CCDC171: variants seen among roughly 807,000 people sequenced by gnomAD.
CCDC171 encodes the protein coiled-coil domain containing 171.
Under a neutral mutation model 168.2 loss-of-function variants are expected in CCDC171, and 177 were observed. The observed-to-expected ratio is 1.05, with a 90% CI of 0.93 to 1.19. The LOEUF (loss-of-function observed/expected upper bound fraction) is 1.19, where lower values mean the gene tolerates loss of function less well. CCDC171 is among the 50% of genes most tolerant of loss of function. CCDC171 has a pLI of 0.00. For synonymous variants in CCDC171, 687 were observed against 540.8 expected, an observed-to-expected ratio of 1.27 and a Z score of -3.75; for missense variants, 1,991 against 1,539.0, an observed-to-expected ratio of 1.29 and a Z score of -4.91.
At chr9:15,874,181 G>A (rs1817544451) in intron 23 of CCDC171, among the ~76,000 whole-genome samples, 1 of 152,062 alleles carries the variant, frequency 6.6e-6, no homozygotes, top group Admixed American at 6.6e-5. Flanking sequence ...AGGTGATAAT[G>A]ATTAGGAGAT....
chr9:15,635,600 C>T (rs1320902943), intron 7 of CCDC171, among the ~76,000 whole-genome samples: 1 of 152,160 alleles, frequency 6.6e-6, no homozygotes, highest in Non-Finnish European at 1.5e-5. Context: ...TCTCCCACTG[C>T]ACTGACTCAA....
At chr9:15,754,032 T>C (rs1237379784) in intron 18 of CCDC171, among the ~76,000 whole-genome samples, 1 of 152,176 alleles carries the variant, frequency 6.6e-6, no homozygotes, top group Non-Finnish European at 1.5e-5. Flanking sequence ...TTTTAAGTTA[T>C]ATTTTTGTAG....
the CCDC171 span, among the ~76,000 whole-genome samples, chr9:16,100,716 G>A: frequency 0.018 from 2,675 of 152,278 alleles, 69 homozygotes; most frequent in African/African-American, 0.06. Context: ...AAGCAGCTGC[G>A]AGGAGAGCCA....
intron 24 of CCDC171, among the ~76,000 whole-genome samples, chr9:15,909,314 T>C (rs572970811): frequency 6.6e-6 from 1 of 152,306 alleles, no homozygotes; most frequent in Admixed American, 6.5e-5. Context: ...TGTGATCCTT[T>C]CTACTTTCTA....
intron 4 of CCDC171, among the ~76,000 whole-genome samples, chr9:16,021,150 T>C (rs147584392): frequency 0.017 from 2,637 of 152,332 alleles, 75 homozygotes; most frequent in African/African-American, 0.059. Context: ...TGCAATGGCG[T>C]GATCTCGGCG....
intron 9 of CCDC171, among the ~76,000 whole-genome samples, chr9:15,667,245 C>T (rs1487165409): frequency 6.6e-6 from 1 of 152,104 alleles, no homozygotes; most frequent in Non-Finnish European, 1.5e-5. Context: ...TAGTATGTGG[C>T]ATGATAATAC....
At chr9:15,968,088 C>G (rs1275889125) in intron 25 of CCDC171, among the ~76,000 whole-genome samples, 1 of 152,118 alleles carries the variant, frequency 6.6e-6, no homozygotes, top group Non-Finnish European at 1.5e-5. Context: ...TTAGTAGACA[C>G]ATTTTGTATT....
intron 20 of CCDC171, among the ~76,000 whole-genome samples, chr9:15,783,427 C>T (rs761531953): frequency 3.3e-5 from 5 of 152,090 alleles, no homozygotes; most frequent in Non-Finnish European, 7.4e-5. Flanking sequence ...TTCAAATCAA[C>T]CTGCTTTATA....
rs572382895 is a variant in CCDC171 at position 15,591,530 on chromosome 9, A to G, written c.517A>G (p.Lys173Glu). Reference sequence around the variant, plus strand: ...AGAATATGATTTACTTATGAAAGAAAAAAGCAGACTAGAGAAAACTCTACA... The same window carrying G: ...AGAATATGATTTACTTATGAAAGAAGAAAGCAGACTAGAGAAAACTCTACA... ...NREYDLLMKE[K>E]SRLEKTLQEA... is the part of the protein sequence containing the mutation. The change falls in exon 5 of 26, where the codon AAA becomes GAA. Residue 173 changes from lysine to glutamate, a missense_variant. Physicochemically the swap from Lys to Glu is moderately conservative, Grantham distance 56. Transcript: ENST00000380701. 1.3e-6 allele frequency: 2 copies of G among 1,583,550 alleles called. No individual in the cohort carries two copies. The highest frequency in any genetic ancestry group is 4.5e-5 in the East Asian group (2 of 44,310).
At chr9:15,593,875 C>G (rs923882317) in intron 5 of CCDC171, among the ~76,000 whole-genome samples, 166 bp from the exon 6 acceptor site, 5 of 151,884 alleles carry the variant, frequency 3.3e-5, no homozygotes, top group African/African-American at 1.2e-4. Flanking sequence ...TTTCTCAGAT[C>G]TACATTCTAT....
chr9:15,720,733 A>G (rs1297830014), intron 11 of CCDC171, among the ~76,000 whole-genome samples: 2 of 152,206 alleles, frequency 1.3e-5, no homozygotes, highest in Non-Finnish European at 2.9e-5. Flanking sequence ...GTACATGTGC[A>G]CAATGTGCAG....
At chr9:15,729,841 G>T (rs754870860) in intron 16 of CCDC171, 43 bp downstream of exon 16, 2 of 1,535,366 alleles carry the variant, frequency 1.3e-6, no homozygotes, top group African/African-American at 1.4e-5. Context: ...GGGTTACTCA[G>T]TGTAACCATT....
intron 10 of CCDC171, 27 bp from the exon 11 acceptor site, chr9:15,695,208 A>T (rs2051122924): frequency 6.8e-7 from 1 of 1,473,800 alleles, no homozygotes; most frequent in Non-Finnish European, 9.5e-7. Flanking sequence ...ACGTGACCTT[A>T]TGTGTAATTT....
intron 5 of CCDC171, among the ~76,000 whole-genome samples, chr9:15,593,250 G>A (rs190925028): frequency 6.0e-4 from 91 of 152,122 alleles, no homozygotes; most frequent in African/African-American, 2.1e-3. Flanking sequence ...TCTTTCTCTC[G>A]CATGTAAACT....
chr9:15,836,295 C>A (rs557489435), intron 21 of CCDC171, among the ~76,000 whole-genome samples: 1 of 152,294 alleles, frequency 6.6e-6, no homozygotes, highest in East Asian at 1.9e-4. Flanking sequence ...TATGTCCATA[C>A]CCCATGATTG....
At chr9:16,069,995 GTCCA>G in the CCDC171 span, among the ~76,000 whole-genome samples, 1 of 152,068 alleles carries the variant, frequency 6.6e-6, no homozygotes, top group South Asian at 2.1e-4. Context: ...TCCTCTCCCT[GTCCA>G]TCTGTCTGTC....
intron 6 of CCDC171, among the ~76,000 whole-genome samples, chr9:15,619,489 A>T (rs1390761601): frequency 1.3e-5 from 2 of 152,184 alleles, no homozygotes; most frequent in Non-Finnish European, 2.9e-5. Context: ...CCTAATTTAG[A>T]ACAAGACCCT....
At chr9:15,765,187 C>T (rs2056656005) in intron 18 of CCDC171, among the ~76,000 whole-genome samples, 1 of 152,098 alleles carries the variant, frequency 6.6e-6, no homozygotes, top group African/African-American at 2.4e-5. Flanking sequence ...GAGACAAAGT[C>T]CGACTGCAGT....
intron 10 of CCDC171, among the ~76,000 whole-genome samples, chr9:15,684,871 AT>A (rs1229704245): frequency 6.6e-6 from 1 of 152,152 alleles, no homozygotes; most frequent in African/African-American, 2.4e-5. Flanking sequence ...ATATTTTGAT[AT>A]TTTTAGTCCC....
Sources: gnomAD v4.1 joint callset for allele counts (sites outside exome capture counted in the v4.1 genomes callset) on GRCh38, gnomAD v4.1.1 for gene constraint, MANE v1.5 for transcripts, NCBI Gene and HGNC (gene_info 2026-07-23, HGNC 2026-07-21) for gene names.